The following HTRA1 variants were observed in gnomAD, a reference collection of about 807,000 sequenced individuals.
HTRA1 encodes serine protease HTRA1.
In HTRA1, 26 loss-of-function variants were observed where a neutral mutation model predicts 49.7. The ratio of observed to expected loss-of-function variants is 0.52; its 90% CI spans 0.38 to 0.73. The LOEUF (loss-of-function observed/expected upper bound fraction) is 0.73, where lower values mean the gene tolerates loss of function less well. Among genes scored for constraint, HTRA1 ranks in the 30% least tolerant of loss-of-function variants. The probability of loss-of-function intolerance (pLI) is 0.00; values close to 1 mark genes in which losing one functional copy is unlikely to be tolerated. For missense variants in HTRA1, 561 were observed against 667.2 expected, an observed-to-expected ratio of 0.84 and a Z score of 1.75; for synonymous variants, 291 against 286.9, an observed-to-expected ratio of 1.01 and a Z score of -0.14.
At chr10:122,469,598 G>A (rs1048206070) in intron 1 of HTRA1, among the ~76,000 whole-genome samples, 2 of 152,228 alleles carry the variant, frequency 1.3e-5, no homozygotes, top group Non-Finnish European at 2.9e-5. Flanking sequence ...GCCACTGGGT[G>A]CTCTGTGGGA....
chr10:122,496,237 T>TTTTTTTTTTTG (rs2097498680), intron 3 of HTRA1, among the ~76,000 whole-genome samples: 1 of 71,138 alleles, frequency 1.4e-5, no homozygotes, highest in Non-Finnish European at 2.8e-5. Context: ...TCTTTTTTTT[T>TTTTTTTTTTTG]TTTTTTTTTT....
chr10:122,483,258 G>A (rs924695338), intron 1 of HTRA1, among the ~76,000 whole-genome samples: 1 of 151,980 alleles, frequency 6.6e-6, no homozygotes, highest in Non-Finnish European at 1.5e-5. Flanking sequence ...GAAGTTGTGT[G>A]CTTGACTAGT....
chr10:122,499,212 G>A lies in HTRA1; in HGVS notation c.778-7479G>A, dbSNP rs892809071. ...GGACCCTAGGGAAGATGCTTGGCTC[G>A]ACTTCCCCACCCCTAGCCAGGGCAC... On this transcript the variant is annotated intron_variant, in intron 3 of 8. Coordinates refer to ENST00000368984, the MANE Select transcript of HTRA1 (RefSeq NM_002775.5). Among the ~76,000 whole-genome samples the A allele has an allele frequency of 1.6e-4, 25 of 152,168 alleles. 1 individual carries two copies. The East Asian group carries it at 1.7e-3, about 11-fold the overall frequency.
chr10:122,489,026 A>G, intron 2 of HTRA1, 25 bp downstream of exon 2: 1 of 1,546,746 alleles, frequency 6.5e-7, no homozygotes, highest in African/African-American at 1.4e-5. Context: ...CCTTTTTCCT[A>G]TAACCTCCGA....
In HTRA1 at chr10:122,510,078, C is replaced by T; in HGVS notation, c.1121-18C>T. On this transcript the variant is annotated intron_variant, in intron 6 of 8. Transcript: ENST00000368984. ...CCAACTGGGCTGACCTTCTGCTGTC[C>T]CTTTGTTGTCTCACCAGGAAAAGCC... The T allele has an allele frequency of 6.2e-7, 1 of 1,612,412 alleles. No individual in the cohort carries two copies.
In HTRA1 at chr10:122,487,226, G is replaced by A; in HGVS notation, c.473-1676G>A. ...CTGGAGCCTGCTTGTGCAACGCTGAGCTAGTCCAAGGGGGAAGAATGGGGT... is the reference window on the plus strand; with the variant it reads ...CTGGAGCCTGCTTGTGCAACGCTGAACTAGTCCAAGGGGGAAGAATGGGGT... On this transcript the variant is annotated intron_variant, in intron 1 of 8. Coordinates refer to ENST00000368984, the MANE Select transcript of HTRA1 (RefSeq NM_002775.5). The surrounding 1 kb of genome is among the most constrained non-coding windows in gnomAD (Gnocchi z 4.8). 6.6e-6 allele frequency among the ~76,000 whole-genome samples: 1 copy of A among 152,200 alleles called. No individual in the cohort carries two copies. The highest frequency in any genetic ancestry group is 1.9e-4 in the East Asian group (1 of 5,182).
intron 8 of HTRA1, among the ~76,000 whole-genome samples, chr10:122,512,864 C>A (rs1368385462): frequency 6.6e-6 from 1 of 152,128 alleles, no homozygotes; most frequent in Non-Finnish European, 1.5e-5. Flanking sequence ...CCCAGCCTTT[C>A]CCCTTGAGTC....
intron 3 of HTRA1, among the ~76,000 whole-genome samples, chr10:122,498,978 A>C (rs2097499818): frequency 6.6e-6 from 1 of 151,972 alleles, no homozygotes; most frequent in African/African-American, 2.4e-5. Context: ...ATCCCTGGAA[A>C]GGATGTAGGC....
chr10:122,514,294 A>G lies in HTRA1; in HGVS notation c.1378A>G (p.Met460Val), dbSNP rs763813436. 1.9e-6 allele frequency: 3 copies of G among 1,614,182 alleles called. No homozygotes were observed. Among genetic ancestry groups the G allele is most frequent in the South Asian group, 2.2e-5 (2 of 91,074 alleles). The change falls in exon 9 of 9, where the codon ATG becomes GTG. Residue 460 changes from methionine (M) to valine (V), a missense_variant. Physicochemically the swap from Met to Val is conservative, Grantham distance 21 (BLOSUM62 1). Transcript: ENST00000368984. ...CATTAAAAGGGAAAGCACCCTGAACATGGTGGTCCGCAGGGGTAATGAAGA... is the reference window on the plus strand; with the variant it reads ...CATTAAAAGGGAAAGCACCCTGAACGTGGTGGTCCGCAGGGGTAATGAAGA... Reference protein sequence around the residue: ...DVIKRESTLNMVVRRGNEDIM... With the variant: ...DVIKRESTLNVVVRRGNEDIM...
intron 1 of HTRA1, among the ~76,000 whole-genome samples, chr10:122,481,885 G>A (rs1389038384): frequency 6.6e-6 from 1 of 152,128 alleles, no homozygotes; most frequent in African/African-American, 2.4e-5. Context: ...GACATGACAT[G>A]CTCCTCCTTG....
At chr10:122,466,928 T>G (rs1341074714) in intron 1 of HTRA1, among the ~76,000 whole-genome samples, 1 of 151,288 alleles carries the variant, frequency 6.6e-6, no homozygotes, top group African/African-American at 2.5e-5. Flanking sequence ...ATATTAAGGC[T>G]TCATAAAATT....
At chr10:122,503,637 A>T (rs1445827403) in intron 3 of HTRA1, among the ~76,000 whole-genome samples, 1 of 152,192 alleles carries the variant, frequency 6.6e-6, no homozygotes, top group African/African-American at 2.4e-5. Flanking sequence ...GCTGCCCATC[A>T]TCTGTAAGCC....
chr10:122,476,419 C>T (rs1348918333), intron 1 of HTRA1, among the ~76,000 whole-genome samples: 1 of 152,204 alleles, frequency 6.6e-6, no homozygotes, highest in East Asian at 1.9e-4. Flanking sequence ...CATCTGGGTC[C>T]TGTCTGGACA....
At chr10:122,469,472 C>A (rs996772916) in intron 1 of HTRA1, among the ~76,000 whole-genome samples, 2 of 152,196 alleles carry the variant, frequency 1.3e-5, no homozygotes, top group African/African-American at 4.8e-5. Context: ...CAATGTTCAG[C>A]GGTCACATCT....
intron 1 of HTRA1, among the ~76,000 whole-genome samples, chr10:122,474,017 C>T (rs976888448): frequency 6.6e-5 from 10 of 152,120 alleles, no homozygotes; most frequent in Admixed American, 4.6e-4. Context: ...AAAGTCACTG[C>T]GAAAGTCTAA....
intron 3 of HTRA1, among the ~76,000 whole-genome samples, chr10:122,503,731 A>G (rs1008663818): frequency 6.6e-6 from 1 of 152,186 alleles, no homozygotes; most frequent in Non-Finnish European, 1.5e-5. Flanking sequence ...CCTGCCAGGC[A>G]AAAGCTTATT....
chr10:122,481,844 G>A (rs909036318), intron 1 of HTRA1, among the ~76,000 whole-genome samples: 1 of 152,130 alleles, frequency 6.6e-6, no homozygotes, highest in African/African-American at 2.4e-5. Context: ...CCCTGCACAA[G>A]CTCTCTCTCT....
At chr10:122,486,798 G>A (rs1467844112) in intron 1 of HTRA1, among the ~76,000 whole-genome samples, 1 of 152,036 alleles carries the variant, frequency 6.6e-6, no homozygotes, top group Admixed American at 6.6e-5. Context: ...GTATATATGT[G>A]TGACTGTATG....
At chr10:122,501,229 C>T (rs764673843) in intron 3 of HTRA1, among the ~76,000 whole-genome samples, 16 of 152,298 alleles carry the variant, frequency 1.1e-4, no homozygotes, top group South Asian at 2.1e-4. Flanking sequence ...ATGCCGGACA[C>T]GCGCCGTGGG....
Sources: gnomAD v4.1 joint callset for allele counts (sites outside exome capture counted in the v4.1 genomes callset) on GRCh38, gnomAD v4.1.1 for gene constraint, Gnocchi (gnomAD v3.1) non-coding constraint, MANE v1.5 for transcripts, NCBI Gene and HGNC (gene_info 2026-07-23, HGNC 2026-07-21) for gene names.